The following MTSS1 variants were observed in gnomAD, a reference collection of about 807,000 sequenced individuals.
MTSS1 encodes protein MTSS 1.
In MTSS1, 18 loss-of-function variants were observed where a neutral mutation model predicts 79.0. The ratio of observed to expected loss-of-function variants is 0.23; its 90% confidence interval spans 0.16 to 0.34. The LOEUF is 0.34. Ranked by LOEUF, MTSS1 falls within the 10% of genes least tolerant of loss-of-function variation. The pLI is 1.00. For missense variants in MTSS1, 815 were observed against 986.2 expected (o/e 0.83, Z 2.33); for synonymous variants, 341 against 368.6 (o/e 0.93, Z 0.86).
chr8:124,681,293 G>C (rs1197321015), intron 3 of MTSS1, among the ~76,000 whole-genome samples: 2 of 151,852 alleles, frequency 1.3e-5, no homozygotes, highest in Non-Finnish European at 2.9e-5. Flanking sequence ...CCAACCTCAG[G>C]ACTCCTACAT....
chr8:124,691,754 G>A lies in MTSS1; in HGVS notation c.208+7772C>T, dbSNP rs377680391. On this transcript the variant is annotated intron_variant, in intron 3 of 13. Transcript: ENST00000518547. The stretch of plus-strand genomic sequence containing the variant: ...TGGTCTCGAACTGCTGACCTCAAGT[G>A]ATCCACCGGCCCCTGCCTCCCAAAG... Among the ~76,000 whole-genome samples the A allele has an allele frequency of 2.0e-5, 3 of 152,132 alleles. 1 individual carries two copies. The highest frequency in any genetic ancestry group is 6.5e-5 in the Admixed American group (1 of 15,276).
Position 124,683,179 on chromosome 8 carries a change from T to C in MTSS1, c.208+16347A>G, listed in dbSNP as rs1289615775. 6.6e-6 allele frequency among the ~76,000 whole-genome samples: 1 copy of C among 152,050 alleles called. No homozygotes were observed. Among genetic ancestry groups the C allele is most frequent in the East Asian group, 1.9e-4 (1 of 5,194 alleles). On this transcript the variant is annotated intron_variant, in intron 3 of 13. Coordinates refer to ENST00000518547, the MANE Select transcript of MTSS1 (RefSeq NM_014751.6). The surrounding 1 kb of genome is among the most constrained non-coding windows in gnomAD (Gnocchi z 4.5). ...AAGCAAAAAAAAAAGAAAAAAAGTT[T>C]CTTATACACAAATGTTTTAACGTTT... is the stretch of plus-strand genomic sequence containing the variant.
At position 124,727,651 on chromosome 8, in the gene MTSS1, G is replaced by A; in HGVS notation, c.72+233C>T. ...CCGCCCCCTGGGACAATGAGCGGGGGAGATGGCGTGGGACAGCAGACACCC... is the reference window on the plus strand; with the variant it reads ...CCGCCCCCTGGGACAATGAGCGGGGAAGATGGCGTGGGACAGCAGACACCC... On this transcript the variant is annotated intron_variant, in intron 1 of 13. Coordinates refer to ENST00000518547, the MANE Select transcript of MTSS1 (RefSeq NM_014751.6). The surrounding 1 kb of genome is among the most constrained non-coding windows in gnomAD (Gnocchi z 4.7). 1.5e-6 allele frequency: 1 copy of A among 660,772 alleles called. No homozygotes were observed. The highest frequency in any genetic ancestry group is 2.8e-6 in the Non-Finnish European group (1 of 358,300). The allele number at this position is 660,772 out of a possible 1,614,324, so 40.9% of individuals were successfully genotyped here.
At chr8:124,704,624 T>C (rs1830150747) in intron 1 of MTSS1, among the ~76,000 whole-genome samples, 1 of 152,164 alleles carries the variant, frequency 6.6e-6, no homozygotes, top group Non-Finnish European at 1.5e-5. Flanking sequence ...ACAGAAAGCA[T>C]TAATTAGACT....
At chr8:124,703,422 A>C (rs1439138555) in intron 2 of MTSS1, among the ~76,000 whole-genome samples, 1 of 152,140 alleles carries the variant, frequency 6.6e-6, no homozygotes, top group Non-Finnish European at 1.5e-5. Context: ...CCTCCCAAGT[A>C]GCTGGGATTA....
At chr8:124,580,541 G>C (rs1036399489) in intron 6 of MTSS1, 2 of 1,535,906 alleles carry the variant, frequency 1.3e-6, no homozygotes, top group South Asian at 2.4e-5. Context: ...ATTTGGGATG[G>C]TAGACTTACC....
intron 3 of MTSS1, among the ~76,000 whole-genome samples, chr8:124,595,521 C>A (rs1832605523): frequency 6.6e-6 from 1 of 152,148 alleles, no homozygotes; most frequent in South Asian, 2.1e-4. Flanking sequence ...CAATCTACTC[C>A]CTTCTCTGAC....
chr8:124,684,283 A>G (rs753345744), intron 3 of MTSS1, among the ~76,000 whole-genome samples: 10 of 152,228 alleles, frequency 6.6e-5, no homozygotes, highest in Non-Finnish European at 1.2e-4. Context: ...CATTTTGCAA[A>G]GGAATTCATA....
At chr8:124,589,830 A>C (rs1034442624) in intron 4 of MTSS1, 119 bp from the exon 5 acceptor site, 1 of 705,220 alleles carries the variant, frequency 1.4e-6, no homozygotes, top group Non-Finnish European at 2.4e-6. Flanking sequence ...TCTCATCTAA[A>C]CCCCGGGGCT....
In MTSS1 at chr8:124,645,728, C is replaced by T. The variant is rs146044643; in HGVS notation, c.208+53798G>A. Among the ~76,000 whole-genome samples the T allele has an allele frequency of 1.7e-3, 263 of 152,168 alleles. 1 individual carries two copies. Among genetic ancestry groups the T allele is most frequent in the African/African-American group, 6.1e-3 (254 of 41,502 alleles). On this transcript the variant is annotated intron_variant, in intron 3 of 13. Coordinates refer to ENST00000518547, the MANE Select transcript of MTSS1 (RefSeq NM_014751.6). ...CCTTTGACTTAAACCCTTTATCATG[C>T]GTATCCAGAAAGCAAAAAGGATCAT...
intron 3 of MTSS1, among the ~76,000 whole-genome samples, chr8:124,681,465 T>C (rs1377607072): frequency 6.6e-6 from 1 of 152,238 alleles, no homozygotes; most frequent in Admixed American, 6.5e-5. Context: ...ATGACCACTG[T>C]TTAGTTTAAA....
intron 10 of MTSS1, chr8:124,558,658 C>G: frequency 6.8e-7 from 1 of 1,475,878 alleles, no homozygotes; most frequent in Non-Finnish European, 9.0e-7. Context: ...GTCTGAGCAG[C>G]AGGCAGGGGG....
At chr8:124,643,221 A>C (rs775872658) in intron 3 of MTSS1, among the ~76,000 whole-genome samples, 5 of 152,158 alleles carry the variant, frequency 3.3e-5, no homozygotes, top group African/African-American at 4.8e-5. Context: ...TGAGGACTCC[A>C]TCCTAGGGAA....
chr8:124,706,884 A>T (rs955489367), intron 1 of MTSS1, among the ~76,000 whole-genome samples: 1 of 152,168 alleles, frequency 6.6e-6, no homozygotes, highest in African/African-American at 2.4e-5. Context: ...CCAGATAAGA[A>T]CACCCCTTGT....
At chr8:124,670,100 T>C in intron 3 of MTSS1, among the ~76,000 whole-genome samples, 1 of 152,082 alleles carries the variant, frequency 6.6e-6, no homozygotes, top group East Asian at 1.9e-4. Flanking sequence ...CAAATAAGAA[T>C]TTCATAGAAT....
chr8:124,594,351 T>G (rs1449871647), intron 3 of MTSS1, among the ~76,000 whole-genome samples: 1 of 152,108 alleles, frequency 6.6e-6, no homozygotes, highest in Non-Finnish European at 1.5e-5. Context: ...GCCAACATGA[T>G]GAAACCTCAT....
At position 124,553,717 on chromosome 8, in the gene MTSS1, T is replaced by C; in HGVS notation, c.1568-25A>G. ...ACTGATTATAGGATTTGATTAGACA[T>C]ATTCAAGACAGCAGCTGTGCTTTTT... On this transcript the variant is annotated intron_variant, in intron 13 of 13. Coordinates refer to ENST00000518547, the MANE Select transcript of MTSS1 (RefSeq NM_014751.6). The surrounding 1 kb of genome is among the most constrained non-coding windows in gnomAD (Gnocchi z 6.0). 1 of 1,570,780 alleles carries C rather than the reference T, an allele frequency of 6.4e-7. No homozygotes were observed. Among genetic ancestry groups the C allele is most frequent in the South Asian group, 1.2e-5 (1 of 85,068 alleles).
In MTSS1 at chr8:124,557,894, A is replaced by G. The variant is rs1458095302; in HGVS notation, c.1036-19T>C. 8.7e-6 allele frequency: 13 copies of G among 1,490,908 alleles called. No individual in the cohort carries two copies. Among genetic ancestry groups the G allele is most frequent in the East Asian group, 2.5e-5 (1 of 40,518 alleles). The allele number at this position is 1,490,908 out of a possible 1,614,324, so 92.4% of individuals were successfully genotyped here. On this transcript the variant is annotated intron_variant, in intron 10 of 13. Coordinates refer to ENST00000518547, the MANE Select transcript of MTSS1 (RefSeq NM_014751.6). The stretch of plus-strand genomic sequence containing the variant: ...TAGACAACTGGAAACAAACAAAAAA[A>G]GGGGGGGGGAAGGAAAAAAAATTAA...
At chr8:124,703,054 T>C (rs1187056905) in intron 2 of MTSS1, among the ~76,000 whole-genome samples, 1 of 152,088 alleles carries the variant, frequency 6.6e-6, no homozygotes, top group Non-Finnish European at 1.5e-5. Context: ...AATACACCCT[T>C]TTTCAGGGTA....
Sources: gnomAD v4.1 joint callset for allele counts (sites outside exome capture counted in the v4.1 genomes callset) on GRCh38, gnomAD v4.1.1 for gene constraint, Gnocchi (gnomAD v3.1) non-coding constraint, MANE v1.5 for transcripts, NCBI Gene and HGNC (gene_info 2026-07-23, HGNC 2026-07-21) for gene names.